The following DOCK4 variants were observed in gnomAD, a reference collection of about 807,000 sequenced individuals.
DOCK4 encodes dedicator of cytokinesis protein 4.
A neutral mutation model predicts 268.1 loss-of-function variants in DOCK4; 97 were observed. That is an observed-to-expected ratio of 0.36 (90% CI 0.31 to 0.43). The LOEUF (loss-of-function observed/expected upper bound fraction) is 0.43, where lower values mean the gene tolerates loss of function less well. DOCK4 is among the 20% of genes least tolerant of loss of function. The pLI is 1.00. For missense variants in DOCK4, 2,145 were observed against 2,455.7 expected, an observed-to-expected ratio of 0.87 and a Z score of 2.67; for synonymous variants, 954 against 887.2, an observed-to-expected ratio of 1.08 and a Z score of -1.34.
intron 1 of DOCK4, among the ~76,000 whole-genome samples, chr7:112,069,797 A>G (rs1807423293): frequency 6.6e-6 from 1 of 152,214 alleles, no homozygotes; most frequent in African/African-American, 2.4e-5. Context: ...AAAAAGAAAT[A>G]AGAAAAATAA....
chr7:112,028,476 T>TC lies in DOCK4; in HGVS notation c.38-24346dup, dbSNP rs553652143. Among the ~76,000 whole-genome samples the TC allele has an allele frequency of 1.7e-3, 257 of 152,304 alleles. 1 individual carries two copies. The highest frequency in any genetic ancestry group is 5.7e-3 in the African/African-American group (235 of 41,568). ...CCACTATTGCAAACACAGAACTACA[T>TC]CATCTCACTAGCATAATCTCAGCAC... On this transcript the variant is annotated intron_variant, in intron 1 of 52. Coordinates refer to ENST00000428084, the MANE Select transcript of DOCK4 (RefSeq NM_001363540.2).
chr7:112,164,377 T>C (rs1817401670), intron 1 of DOCK4, among the ~76,000 whole-genome samples: 1 of 152,238 alleles, frequency 6.6e-6, no homozygotes, highest in Non-Finnish European at 1.5e-5. Context: ...GTTCTTTAAA[T>C]ATATACATAT....
At chr7:112,060,974 T>C (rs1306398473) in intron 1 of DOCK4, among the ~76,000 whole-genome samples, 1 of 152,226 alleles carries the variant, frequency 6.6e-6, no homozygotes, top group Non-Finnish European at 1.5e-5. Flanking sequence ...ATTTTACGTG[T>C]ATTTTACCAC....
chr7:111,763,209 T>C (rs955506273), intron 39 of DOCK4, among the ~76,000 whole-genome samples: 15 of 152,198 alleles, frequency 9.9e-5, no homozygotes, highest in Non-Finnish European at 1.9e-4. Context: ...TGCCTTGGCC[T>C]CCCAAAGTGC....
intron 1 of DOCK4, among the ~76,000 whole-genome samples, chr7:112,117,495 C>T (rs1451755144): frequency 6.6e-6 from 1 of 152,128 alleles, no homozygotes; most frequent in Admixed American, 6.5e-5. Context: ...CTCAGCCTCC[C>T]AAGTAGCTGG....
At chr7:112,186,487 C>T (rs1167284120) in intron 1 of DOCK4, among the ~76,000 whole-genome samples, 1 of 152,162 alleles carries the variant, frequency 6.6e-6, no homozygotes, top group Non-Finnish European at 1.5e-5. Context: ...GTACTCACAT[C>T]ATGTAGTTGT....
chr7:112,187,115 A>G (rs1482063569), intron 1 of DOCK4, among the ~76,000 whole-genome samples: 1 of 152,198 alleles, frequency 6.6e-6, no homozygotes, highest in Admixed American at 6.5e-5. Context: ...AAGAAATGCA[A>G]TCGCCCAAAT....
At chr7:111,930,932 TC>T (rs1794149636) in intron 12 of DOCK4, among the ~76,000 whole-genome samples, 1 of 152,208 alleles carries the variant, frequency 6.6e-6, no homozygotes, top group Non-Finnish European at 1.5e-5. Context: ...TTTTTAGGCT[TC>T]TTCCTGAGCT....
At chr7:111,867,903 C>T in intron 22 of DOCK4, 81 bp downstream of exon 22, 10 of 1,273,688 alleles carry the variant, frequency 7.9e-6, no homozygotes, top group South Asian at 4.5e-5. Flanking sequence ...ATGGAGAAAA[C>T]ATTTGATTAC....
chr7:112,018,179 A>AAAAAAAAAAAAAAAAAAACACAC, intron 1 of DOCK4, among the ~76,000 whole-genome samples: 2 of 72,588 alleles, frequency 2.8e-5, no homozygotes, highest in African/African-American at 5.4e-5. Flanking sequence ...AAAAAAAAAA[A>AAAAAAAAAAAAAAAAAAACACAC]ACACAGGCAA....
intron 1 of DOCK4, among the ~76,000 whole-genome samples, chr7:112,051,527 C>T (rs1475310073): frequency 6.6e-6 from 1 of 151,990 alleles, no homozygotes; most frequent in East Asian, 1.9e-4. Flanking sequence ...GGCTCAACAA[C>T]TTTTGATGCT....
At chr7:111,732,089 G>C (rs956019477) in intron 52 of DOCK4, 137 bp downstream of exon 52, 2 of 845,600 alleles carry the variant, frequency 2.4e-6, no homozygotes, top group Non-Finnish European at 3.7e-6. Flanking sequence ...TTCTCAACCA[G>C]CTTCCCCTAT....
At chr7:111,860,787 C>T (rs10229799) in intron 23 of DOCK4, among the ~76,000 whole-genome samples, 49,712 of 151,994 alleles carry the variant, frequency 0.33, 8,249 homozygotes, top group African/African-American at 0.36. Flanking sequence ...TTCTTTATCC[C>T]GCATCACAGC....
intron 22 of DOCK4, among the ~76,000 whole-genome samples, chr7:111,864,844 A>C (rs926694388): frequency 4.6e-5 from 7 of 152,352 alleles, no homozygotes; most frequent in Admixed American, 1.3e-4. Context: ...ATTACTGAAA[A>C]GTCAACTAAG....
At chr7:111,811,760 C>G in intron 28 of DOCK4, 114 bp downstream of exon 28, 1 of 672,550 alleles carries the variant, frequency 1.5e-6, no homozygotes, top group Non-Finnish European at 2.6e-6. Flanking sequence ...GAAAACTGTT[C>G]TAATATTCCT....
intron 8 of DOCK4, among the ~76,000 whole-genome samples, chr7:111,960,523 C>CTTTT (rs753880464): frequency 9.4e-4 from 74 of 78,472 alleles, no homozygotes; most frequent in East Asian, 1.8e-3. Flanking sequence ...ACCTCATGTG[C>CTTTT]TTTTTTTTTT....
At chr7:112,153,735 A>G (rs1816322589) in intron 1 of DOCK4, among the ~76,000 whole-genome samples, 2 of 152,148 alleles carry the variant, frequency 1.3e-5, no homozygotes, top group Admixed American at 1.3e-4. Flanking sequence ...ATATAGAATG[A>G]TGGATGTGTG....
chr7:111,769,558 T>C lies in DOCK4; in HGVS notation c.3799A>G (p.Thr1267Ala). 4.3e-6 allele frequency: 7 copies of C among 1,613,706 alleles called. No individual in the cohort carries two copies. The highest frequency in any genetic ancestry group is 5.9e-6 in the Non-Finnish European group (7 of 1,179,744). Residue 1267 changes from threonine to alanine, a missense_variant, in exon 37 of 53, where the codon ACC becomes GCC. Coordinates refer to ENST00000428084, the MANE Select transcript of DOCK4 (RefSeq NM_001363540.2). ...CCTCTGTCAAAGTTCTGGATGATGG[T>C]GAGGTGCAGGTGCTCTTTGCGCTGC... ...EWQRKEHLHL[T>A]IIQNFDRGKC...
intron 7 of DOCK4, among the ~76,000 whole-genome samples, chr7:111,983,832 A>ATG (rs1168827790): frequency 8.3e-6 from 1 of 120,700 alleles, no homozygotes; most frequent in African/African-American, 3.5e-5. Flanking sequence ...GCTATTATGT[A>ATG]TGTACACACA....
Sources: gnomAD v4.1 joint callset for allele counts (sites outside exome capture counted in the v4.1 genomes callset) on GRCh38, gnomAD v4.1.1 for gene constraint, MANE v1.5 for transcripts, NCBI Gene and HGNC (gene_info 2026-07-23, HGNC 2026-07-21) for gene names.